CWH43: variants seen among roughly 807,000 people sequenced by gnomAD.
CWH43 encodes the protein cell wall biogenesis 43 C-terminal homolog, also known as PGAP2-interacting protein.
CWH43 carries 91 observed loss-of-function variants against 85.7 expected under a neutral mutation model. The ratio of observed to expected loss-of-function variants is 1.06; its 90% CI spans 0.90 to 1.26. CWH43 has a LOEUF of 1.26. Ranked by LOEUF, CWH43 falls within the 50% of genes most tolerant of loss-of-function variation. The pLI is 0.00. For synonymous variants in CWH43, 323 were observed against 293.6 expected (o/e 1.10, Z -1.02); for missense variants, 869 against 839.2 (o/e 1.04, Z -0.44).
intron 9 of CWH43, among the ~76,000 whole-genome samples, chr4:49,027,952 C>T (rs1560502678): frequency 6.6e-6 from 1 of 152,086 alleles, no homozygotes; most frequent in Non-Finnish European, 1.5e-5. Flanking sequence ...TGGGCCTTGA[C>T]CTTTCCAGTA....
chr4:49,033,083 G>A (rs1784151919), intron 12 of CWH43, among the ~76,000 whole-genome samples: 1 of 152,096 alleles, frequency 6.6e-6, no homozygotes, highest in Non-Finnish European at 1.5e-5. Flanking sequence ...ATCCAACCAG[G>A]AGCAAGCACA....
chr4:49,009,756 C>T (rs1009713129), intron 8 of CWH43, among the ~76,000 whole-genome samples: 7 of 151,996 alleles, frequency 4.6e-5, no homozygotes, highest in African/African-American at 1.7e-4. Context: ...GTCTTTGGTT[C>T]TGTTTATGTG....
At chr4:48,989,500 C>T (rs537256590) in intron 2 of CWH43, among the ~76,000 whole-genome samples, 3 of 152,334 alleles carry the variant, frequency 2.0e-5, no homozygotes, top group Admixed American at 6.5e-5. Flanking sequence ...CACAGTCATG[C>T]GTTGCTTAGT....
intron 13 of CWH43, among the ~76,000 whole-genome samples, chr4:49,040,723 G>T (rs1468724492): frequency 1.3e-5 from 2 of 152,144 alleles, no homozygotes; most frequent in Non-Finnish European, 2.9e-5. Context: ...AGTTTCCTTT[G>T]CTGTGCAGAA....
At chr4:48,987,898 C>G (rs1782543197) in intron 1 of CWH43, among the ~76,000 whole-genome samples, 1 of 151,910 alleles carries the variant, frequency 6.6e-6, no homozygotes, top group Admixed American at 6.6e-5. Flanking sequence ...TGCTTGCTGC[C>G]CTTTTGGACT....
At chr4:49,046,562 G>T (rs1393029588) in intron 14 of CWH43, among the ~76,000 whole-genome samples, 1 of 152,024 alleles carries the variant, frequency 6.6e-6, no homozygotes, top group East Asian at 1.9e-4. Context: ...GGTGTGTGGG[G>T]GTGGCTGTGG....
At chr4:48,996,967 G>A (rs1419000563) in intron 5 of CWH43, among the ~76,000 whole-genome samples, 2 of 152,190 alleles carry the variant, frequency 1.3e-5, no homozygotes, top group Admixed American at 1.3e-4. Flanking sequence ...AAAAGAAAAT[G>A]CTTCTACATC....
chr4:49,061,366 A>G (rs1036852402), intron 15 of CWH43, among the ~76,000 whole-genome samples: 2 of 152,216 alleles, frequency 1.3e-5, no homozygotes, highest in Admixed American at 6.5e-5. Context: ...TTTGTATTCT[A>G]TCATATCAAC....
chr4:48,994,941 T>G, intron 5 of CWH43, 121 bp downstream of exon 5: 1 of 817,182 alleles, frequency 1.2e-6, no homozygotes, highest in South Asian at 1.4e-5. Context: ...TCCCTAGATA[T>G]CAGAATGTGG....
At chr4:49,060,414 G>T (rs949722098) in intron 15 of CWH43, among the ~76,000 whole-genome samples, 1 of 151,966 alleles carries the variant, frequency 6.6e-6, no homozygotes, top group Non-Finnish European at 1.5e-5. Flanking sequence ...ATTTGCTAGG[G>T]CCGGCTTAGG....
chr4:48,998,250 T>C (rs900541713), intron 5 of CWH43, among the ~76,000 whole-genome samples: 3 of 152,210 alleles, frequency 2.0e-5, no homozygotes, highest in South Asian at 4.1e-4. Flanking sequence ...AGTTGGCAGA[T>C]ATCATTGATC....
At chr4:49,005,958 A>G (rs115666106) in intron 7 of CWH43, among the ~76,000 whole-genome samples, 1 of 152,218 alleles carries the variant, frequency 6.6e-6, no homozygotes. Context: ...TTAAAATTAC[A>G]TGAAATATTT....
At chr4:49,023,795 A>G (rs970641949) in intron 9 of CWH43, among the ~76,000 whole-genome samples, 1 of 152,240 alleles carries the variant, frequency 6.6e-6, no homozygotes, top group African/African-American at 2.4e-5. Context: ...AGAATGGTGC[A>G]TGTGCTGATG....
At chr4:49,053,571 C>T (rs1426086023) in intron 15 of CWH43, among the ~76,000 whole-genome samples, 1 of 152,040 alleles carries the variant, frequency 6.6e-6, no homozygotes, top group African/African-American at 2.4e-5. Context: ...TACTAGCTGG[C>T]CACTTGGATG....
At chr4:49,003,607 GTTTTCTCATC>G (rs1201662769) in intron 6 of CWH43, 118 bp from the exon 7 acceptor site, 1 of 884,064 alleles carries the variant, frequency 1.1e-6, no homozygotes, top group Non-Finnish European at 1.8e-6. Context: ...TCAGATCTTA[GTTTTCTCATC>G]TGTCTGGAGA....
Position 49,007,189 on chromosome 4 carries a change from CTCTTA to C in CWH43, c.1061-10_1061-6del, listed in dbSNP as rs750022722. 1.3e-6 allele frequency: 2 copies of C among 1,598,050 alleles called. No homozygotes were observed. The highest frequency in any genetic ancestry group is 1.7e-6 in the Non-Finnish European group (2 of 1,174,750). On this transcript the variant is annotated splice_polypyrimidine_tract_variant and splice_region_variant and intron_variant, in intron 7 of 15. Coordinates refer to ENST00000226432, the MANE Select transcript of CWH43 (RefSeq NM_025087.3). The stretch of plus-strand genomic sequence containing the variant: ...TCAGACTATAACATATTCTTTCTTT[CTCTTA>C]TAACAGGGACAATGATGTTAATTAT...
At chr4:49,028,808 G>A in intron 10 of CWH43, 74 bp downstream of exon 10, 22 of 967,850 alleles carry the variant, frequency 2.3e-5, no homozygotes, top group Non-Finnish European at 3.5e-5. Context: ...AGGGTCATAA[G>A]CCATAACTTA....
In CWH43 at chr4:49,007,464, C is replaced by T; in HGVS notation, c.1186+138C>T. 3 of 1,071,630 alleles carry T rather than the reference C, an allele frequency of 2.8e-6. No individual in the cohort carries two copies. In the South Asian group the frequency reaches 7.4e-5, roughly 26 times the overall value. The allele number at this position is 1,071,630 out of a possible 1,614,324, so 66.4% of individuals were successfully genotyped here. The stretch of plus-strand genomic sequence containing the variant: ...CAACATTTTGCCATGTTGTTAATAG[C>T]TATCTTCTCTAGTTTTTTTAAAAAA... On this transcript the variant is annotated intron_variant, in intron 8 of 15. Transcript: ENST00000226432.
chr4:49,028,613 TA>T lies in CWH43; in HGVS notation c.1267-12del. On this transcript the variant is annotated splice_polypyrimidine_tract_variant and intron_variant, in intron 9 of 15. Transcript: ENST00000226432. ...GTTCACAGTCATCCTAAACTACCAT[TA>T]AAACAATTCCTCAGGCACCAACCAA... 3 of 1,596,402 alleles carry T rather than the reference TA, an allele frequency of 1.9e-6. No homozygotes were observed. The highest frequency in any genetic ancestry group is 2.6e-6 in the Non-Finnish European group (3 of 1,166,320).
Sources: gnomAD v4.1 joint callset for allele counts (sites outside exome capture counted in the v4.1 genomes callset) on GRCh38, gnomAD v4.1.1 for gene constraint, MANE v1.5 for transcripts, NCBI Gene and HGNC (gene_info 2026-07-23, HGNC 2026-07-21) for gene names.